The following KCNK9 variants were observed in gnomAD, a reference collection of about 807,000 sequenced individuals.
KCNK9 encodes the protein potassium channel subfamily K member 9.
Under a neutral mutation model 10.8 loss-of-function variants are expected in KCNK9, and 1 was observed. The observed-to-expected ratio is 0.09, with a 90% confidence interval of 0.03 to 0.44. The LOEUF (loss-of-function observed/expected upper bound fraction) is 0.44. KCNK9 is among the 20% of genes least tolerant of loss of function. The pLI is 0.97. For missense variants in KCNK9, 303 were observed against 515.0 expected, an observed-to-expected ratio of 0.59 and a Z score of 3.98; for synonymous variants, 231 against 222.7, an observed-to-expected ratio of 1.04 and a Z score of -0.33.
intron 1 of KCNK9, among the ~76,000 whole-genome samples, chr8:139,647,042 C>T (rs1372663639): frequency 6.6e-6 from 1 of 152,242 alleles, no homozygotes; most frequent in Non-Finnish European, 1.5e-5. Flanking sequence ...CTCCCAGACC[C>T]TACACAAGGG....
At chr8:139,609,793 A>AG (rs1490102414), downstream of KCNK9, among the ~76,000 whole-genome samples, 46 of 151,890 alleles carry the variant, frequency 3.0e-4, 1 homozygote, top group Non-Finnish European at 8.8e-5. Context: ...GGGGAGGTGG[A>AG]GGGGGGATAT....
chr8:139,652,585 T>A (rs781150753), intron 1 of KCNK9, among the ~76,000 whole-genome samples: 123 of 152,298 alleles, frequency 8.1e-4, no homozygotes, highest in Non-Finnish European at 1.4e-3. Flanking sequence ...GCCCTGGCGC[T>A]CCTCTAAGGG....
chr8:139,665,375 TC>T (rs1449292237), intron 1 of KCNK9, among the ~76,000 whole-genome samples: 1 of 152,106 alleles, frequency 6.6e-6, no homozygotes, highest in African/African-American at 2.4e-5. Context: ...GACTCTACCC[TC>T]CTGCCTCCCT....
chr8:139,628,374 C>A (rs1236096561), intron 1 of KCNK9, among the ~76,000 whole-genome samples: 1 of 152,252 alleles, frequency 6.6e-6, no homozygotes, highest in African/African-American at 2.4e-5. Context: ...CCGAGGAACC[C>A]CATACCCTGG....
intron 1 of KCNK9, among the ~76,000 whole-genome samples, chr8:139,640,595 G>A (rs571726182): frequency 1.3e-5 from 2 of 152,254 alleles, no homozygotes; most frequent in South Asian, 2.1e-4. Flanking sequence ...ACATACCCGC[G>A]CCCCAAGCCA....
chr8:139,668,579 G>A (rs1414114875), intron 1 of KCNK9, among the ~76,000 whole-genome samples: 3 of 152,036 alleles, frequency 2.0e-5, no homozygotes, highest in East Asian at 1.9e-4. Flanking sequence ...GCGCCACCAC[G>A]TCCAGCTAAT....
At chr8:139,680,451 C>A (rs1285877114) in intron 1 of KCNK9, among the ~76,000 whole-genome samples, 1 of 152,204 alleles carries the variant, frequency 6.6e-6, no homozygotes, top group Non-Finnish European at 1.5e-5. Flanking sequence ...TGATCCTGGA[C>A]AGCAGGAGGG....
chr8:139,655,919 C>T (rs1393227911), intron 1 of KCNK9, among the ~76,000 whole-genome samples: 1 of 152,174 alleles, frequency 6.6e-6, no homozygotes, highest in Admixed American at 6.5e-5. Context: ...TGGAGGCCCC[C>T]AAGCCTCAGC....
chr8:139,691,782 C>T (rs1288757218), intron 1 of KCNK9, among the ~76,000 whole-genome samples: 1 of 152,190 alleles, frequency 6.6e-6, no homozygotes, highest in African/African-American at 2.4e-5. Flanking sequence ...CTATGCATAT[C>T]ACCACAGACC....
At chr8:139,639,149 C>T (rs1194939164) in intron 1 of KCNK9, among the ~76,000 whole-genome samples, 4 of 152,202 alleles carry the variant, frequency 2.6e-5, no homozygotes, top group African/African-American at 4.8e-5. Flanking sequence ...AAAACCTGAG[C>T]TTTGGAGCCT....
chr8:139,676,649 G>A (rs1035738365), intron 1 of KCNK9, among the ~76,000 whole-genome samples: 1 of 152,154 alleles, frequency 6.6e-6, no homozygotes, highest in Admixed American at 6.5e-5. Context: ...CGACACGGAG[G>A]CACAAAATAC....
chr8:139,661,968 C>T (rs1002115071), intron 1 of KCNK9, among the ~76,000 whole-genome samples: 2 of 152,210 alleles, frequency 1.3e-5, no homozygotes, highest in African/African-American at 4.8e-5. Flanking sequence ...AGTGGATCCT[C>T]AAGTGGTGGC....
chr8:139,674,435 T>A (rs1409879731), intron 1 of KCNK9, among the ~76,000 whole-genome samples: 1 of 151,990 alleles, frequency 6.6e-6, no homozygotes, highest in East Asian at 1.9e-4. Flanking sequence ...AGCTGATGAG[T>A]ATAGGGGGCC....
rs145617381 is a variant in KCNK9 at position 139,618,867 on chromosome 8, G to A, written c.516C>T (p.Cys172=). ...VGFFSCMGTL[C]IGAAAFSQCE... ...ACTGGGAGAAGGCGGCCGCCCCGAT[G>A]CACAGCGTCCCCATGCAGGAGAAGA... Residue 172 remains cysteine, a synonymous_variant, in exon 2 of 2, where the codon TGC becomes TGT. Transcript: ENST00000520439. This position sits in a 1 kb window ranked among gnomAD's most constrained non-coding sequence, Gnocchi z 7.9. 47 of 1,614,106 alleles carry A rather than the reference G, an allele frequency of 2.9e-5. No individual in the cohort carries two copies. The African/African-American group carries it at 5.5e-4, about 19-fold the overall frequency.
At chr8:139,603,397 T>C (rs1337838710) in intron 2 of KCNK9, among the ~76,000 whole-genome samples, 1 of 152,152 alleles carries the variant, frequency 6.6e-6, no homozygotes, top group African/African-American at 2.4e-5. Context: ...CAAAAGGAAG[T>C]TGTGGATCGT....
intron 1 of KCNK9, among the ~76,000 whole-genome samples, chr8:139,680,903 C>G (rs1417653206): frequency 6.6e-6 from 1 of 152,180 alleles, no homozygotes; most frequent in Non-Finnish European, 1.5e-5. Context: ...TGCCCAGCAG[C>G]CTGGGGCTCT....
chr8:139,618,693 C>T lies in KCNK9; in HGVS notation c.690G>A (p.Val230=), dbSNP rs2130104690. Residue 230 remains valine (V), a synonymous_variant, in exon 2 of 2, where the codon GTG becomes GTA. Transcript: ENST00000520439. The surrounding 1 kb of genome is among the most constrained non-coding windows in gnomAD (Gnocchi z 7.9). The part of the protein sequence containing the change: ...YVAFSFMYIL[V]GLTVIGAFLN... ...GGAAGGCCCCGATGACCGTCAGCCC[C>T]ACCAGGATATACATAAAGCTAAAGG... The T allele has an allele frequency of 6.2e-7, 1 of 1,614,204 alleles. No homozygotes were observed. The highest frequency in any genetic ancestry group is 1.1e-5 in the South Asian group (1 of 91,084).
At chr8:139,674,407 C>T (rs1050154308) in intron 1 of KCNK9, among the ~76,000 whole-genome samples, 1 of 152,204 alleles carries the variant, frequency 6.6e-6, no homozygotes, top group Non-Finnish European at 1.5e-5. Context: ...TTGTCTGAGC[C>T]GCTCCGAGGG....
chr8:139,601,594 G>A (rs1817371414), exon 3 of KCNK9: 1 of 152,182 alleles, frequency 6.6e-6, no homozygotes, highest in African/African-American at 2.4e-5. Flanking sequence ...GGGGCCGCCT[G>A]CACGGTCCTG....
Sources: allele counts gnomAD v4.1 joint callset (sites outside exome capture counted in the v4.1 genomes callset), GRCh38; gene constraint gnomAD v4.1.1; non-coding constraint Gnocchi (gnomAD v3.1); transcripts MANE v1.5; gene names NCBI Gene and HGNC (gene_info 2026-07-23, HGNC 2026-07-21).